The following NME8 variants were observed in gnomAD, a reference collection of about 807,000 sequenced individuals.
The protein encoded by NME8 is NME/NM23 family member 8, also known as protein NME8.
A neutral mutation model predicts 82.3 loss-of-function variants in NME8; 72 were observed. The observed-to-expected ratio is 0.87, with a 90% CI of 0.72 to 1.06. NME8 has a LOEUF of 1.06. Among genes scored for constraint, NME8 ranks in the 50% least tolerant of loss-of-function variants. The pLI, the probability that NME8 is intolerant of heterozygous loss-of-function variation, is 0.00. For synonymous variants in NME8, 267 were observed against 228.5 expected (o/e 1.17, Z -1.52); for missense variants, 712 against 685.4 (o/e 1.04, Z -0.43).
At chr7:37,856,152 T>C (rs984839155) in intron 5 of NME8, among the ~76,000 whole-genome samples, 2 of 152,192 alleles carry the variant, frequency 1.3e-5, no homozygotes, top group African/African-American at 2.4e-5. Context: ...GGTATTGCAC[T>C]GAACACAATG....
intron 13 of NME8, 52 bp downstream of exon 13, chr7:37,884,499 A>G (rs1229565804): frequency 1.1e-5 from 16 of 1,518,478 alleles, no homozygotes; most frequent in African/African-American, 1.4e-5. Context: ...AATCATGTAA[A>G]CTTTCTCTTA....
intron 10 of NME8, among the ~76,000 whole-genome samples, chr7:37,867,152 C>T (rs998252770): frequency 1.3e-5 from 2 of 152,126 alleles, no homozygotes; most frequent in African/African-American, 4.8e-5. Flanking sequence ...TCTGTCTGTC[C>T]TCTGTCCCCT....
At chr7:37,885,851 A>T (rs1041019785) in intron 14 of NME8, among the ~76,000 whole-genome samples, 1 of 152,178 alleles carries the variant, frequency 6.6e-6, no homozygotes, top group Admixed American at 6.5e-5. Flanking sequence ...CATGAAGCTG[A>T]TGGAAACAAA....
chr7:37,892,856 T>A (rs1232827758), intron 15 of NME8, among the ~76,000 whole-genome samples: 1 of 152,030 alleles, frequency 6.6e-6, no homozygotes, highest in Non-Finnish European at 1.5e-5. Flanking sequence ...TGTTACAGTT[T>A]GGGGGGGTAT....
chr7:37,870,833 A>C (rs1784756846), intron 11 of NME8, among the ~76,000 whole-genome samples: 1 of 152,104 alleles, frequency 6.6e-6, no homozygotes, highest in Non-Finnish European at 1.5e-5. Context: ...GTAAAACTTG[A>C]GAGGACAGAG....
intron 11 of NME8, among the ~76,000 whole-genome samples, chr7:37,870,214 A>T (rs1432869172): frequency 6.6e-6 from 1 of 150,906 alleles, no homozygotes. Context: ...CACACATAAA[A>T]TACACTAACA....
At chr7:37,878,498 A>G (rs1784891396) in intron 12 of NME8, among the ~76,000 whole-genome samples, 1 of 152,178 alleles carries the variant, frequency 6.6e-6, no homozygotes, top group Non-Finnish European at 1.5e-5. Context: ...TATTTTATGG[A>G]CGAGATAGTG....
At chr7:37,879,656 G>C (rs1017505834) in intron 12 of NME8, among the ~76,000 whole-genome samples, 1 of 152,132 alleles carries the variant, frequency 6.6e-6, no homozygotes, top group South Asian at 2.1e-4. Flanking sequence ...ATTGCTGTAG[G>C]TGTTCATATG....
chr7:37,856,288 C>A (rs1234883757), intron 5 of NME8, among the ~76,000 whole-genome samples: 2 of 152,084 alleles, frequency 1.3e-5, no homozygotes, highest in Admixed American at 6.6e-5. Flanking sequence ...GAGATGGAGA[C>A]TTTAGAAGGT....
At chr7:37,849,450 G>A (rs1784406949) in intron 2 of NME8, among the ~76,000 whole-genome samples, 1 of 152,126 alleles carries the variant, frequency 6.6e-6, no homozygotes, top group South Asian at 2.1e-4. Flanking sequence ...AAGATAGTGT[G>A]GCAGCTATAA....
chr7:37,880,700 A>T (rs1784930827), intron 12 of NME8, among the ~76,000 whole-genome samples: 1 of 152,070 alleles, frequency 6.6e-6, no homozygotes, highest in South Asian at 2.1e-4. Context: ...TTTGGTTGGG[A>T]TTGTGTTTAA....
At chr7:37,861,089 A>G (rs550740017) in intron 6 of NME8, among the ~76,000 whole-genome samples, 83 of 152,264 alleles carry the variant, frequency 5.5e-4, no homozygotes, top group African/African-American at 2.0e-3. Context: ...TGCTCCCCCC[A>G]GCATTTTTTC....
chr7:37,855,012 A>G (rs968397823), intron 5 of NME8, among the ~76,000 whole-genome samples: 17 of 152,302 alleles, frequency 1.1e-4, no homozygotes, highest in African/African-American at 4.1e-4. Flanking sequence ...ATGATGTTCT[A>G]TCAGGGTTCT....
Position 37,848,934 on chromosome 7 carries a change from A to G in NME8, c.-130A>G, listed in dbSNP as rs1784399944. The G allele has an allele frequency of 6.6e-6, 1 of 152,266 alleles. No homozygotes were observed. The highest frequency in any genetic ancestry group is 6.5e-5 in the Admixed American group (1 of 15,282). 9.4% of individuals were successfully genotyped at this position (152,266 alleles called of 1,614,324 possible). A position where few individuals can be genotyped will look rare whatever the true frequency, so the allele number is the denominator to read the frequency against. ...CCCTACCAGGGTCCTAGGTACTGGA[A>G]TGGAACTTCGCCGAGGTCACCGCTC... On this transcript the variant is annotated 5_prime_UTR_variant, in exon 2 of 18. The change abolishes an upstream ATG in the 5' untranslated region. Transcript: ENST00000199447.
intron 15 of NME8, among the ~76,000 whole-genome samples, chr7:37,893,244 AT>A (rs1228651607): frequency 1.8e-4 from 28 of 152,088 alleles, no homozygotes; most frequent in African/African-American, 6.0e-4. Context: ...GGAAGTATTG[AT>A]TTTCCAAAAA....
intron 9 of NME8, among the ~76,000 whole-genome samples, chr7:37,865,065 G>A (rs1204716592): frequency 6.6e-6 from 1 of 152,156 alleles, no homozygotes; most frequent in Non-Finnish European, 1.5e-5. Context: ...CCTACCAAAT[G>A]TCATGTTCTC....
At chr7:37,855,607 G>T (rs1784499092) in intron 5 of NME8, among the ~76,000 whole-genome samples, 1 of 152,052 alleles carries the variant, frequency 6.6e-6, no homozygotes, top group Admixed American at 6.6e-5. Flanking sequence ...AAAGGCATCT[G>T]GAAACTTTTC....
At chr7:37,884,913 C>T (rs528431522) in intron 13 of NME8, among the ~76,000 whole-genome samples, 59 of 152,320 alleles carry the variant, frequency 3.9e-4, no homozygotes, top group African/African-American at 1.4e-3. Context: ...ATGAAAGAAA[C>T]ATCTACAAGA....
intron 11 of NME8, among the ~76,000 whole-genome samples, chr7:37,869,434 T>C (rs3807173): frequency 0.78 from 118,138 of 152,034 alleles, 46,317 homozygotes; most frequent in African/African-American, 0.89. Context: ...AAGCGTTCTA[T>C]GAAGCACTCA....
Sources: gnomAD v4.1 joint callset for allele counts (sites outside exome capture counted in the v4.1 genomes callset) on GRCh38, gnomAD v4.1.1 for gene constraint, MANE v1.5 for transcripts, NCBI Gene and HGNC (gene_info 2026-07-23, HGNC 2026-07-21) for gene names.